SNX29: variants seen among roughly 807,000 people sequenced by gnomAD.
SNX29 encodes the protein sorting nexin 29.
A neutral mutation model predicts 102.1 loss-of-function variants in SNX29; 78 were observed. The observed-to-expected ratio is 0.76, with a 90% CI of 0.64 to 0.92. SNX29 has a LOEUF of 0.92. Among genes scored for constraint, SNX29 ranks in the 40% least tolerant of loss-of-function variants. SNX29 has a pLI of 0.00. For synonymous variants in SNX29, 580 were observed against 414.5 expected (o/e 1.40, Z -4.85); for missense variants, 1,280 against 1,061.7 (o/e 1.21, Z -2.86).
intron 12 of SNX29, among the ~76,000 whole-genome samples, chr16:12,128,956 G>A (rs932419948): frequency 4.6e-5 from 7 of 152,184 alleles, no homozygotes; most frequent in African/African-American, 1.7e-4. Flanking sequence ...TAAGACCAGG[G>A]ATGACAAATA....
chr16:12,224,350 C>T (rs1404843820), intron 14 of SNX29, among the ~76,000 whole-genome samples: 1 of 152,156 alleles, frequency 6.6e-6, no homozygotes, highest in Non-Finnish European at 1.5e-5. Context: ...TTTAGAGGGC[C>T]TGCCATAGGC....
At chr16:12,133,840 T>C (rs1173432964) in intron 13 of SNX29, among the ~76,000 whole-genome samples, 1 of 152,324 alleles carries the variant, frequency 6.6e-6, no homozygotes, top group African/African-American at 2.4e-5. Flanking sequence ...AGTGAGATAT[T>C]CGAATGCTAA....
chr16:11,980,997 A>G (rs1468821035), intron 1 of SNX29, among the ~76,000 whole-genome samples: 3 of 143,426 alleles, frequency 2.1e-5, no homozygotes, highest in Admixed American at 1.4e-4. Flanking sequence ...GTCTTGCTCT[A>G]TCACCCAGGC....
chr16:12,539,510 C>G (rs1025802238), intron 20 of SNX29, among the ~76,000 whole-genome samples: 3 of 152,128 alleles, frequency 2.0e-5, no homozygotes, highest in Non-Finnish European at 4.4e-5. Flanking sequence ...TGCGTTGGTT[C>G]CAGTTGTTGG....
At chr16:12,046,123 A>G (rs1315184320) in intron 5 of SNX29, among the ~76,000 whole-genome samples, 1 of 152,322 alleles carries the variant, frequency 6.6e-6, no homozygotes, top group Non-Finnish European at 1.5e-5. Context: ...TGCTTTATAA[A>G]TACATTGACA....
chr16:12,555,520 C>T (rs577301006), intron 20 of SNX29, among the ~76,000 whole-genome samples: 29 of 151,716 alleles, frequency 1.9e-4, no homozygotes, highest in South Asian at 6.3e-4. Flanking sequence ...GACTGGACAG[C>T]GCCCCTGCTC....
intron 19 of SNX29, among the ~76,000 whole-genome samples, chr16:12,493,428 A>G (rs1165958587): frequency 6.6e-6 from 1 of 152,138 alleles, no homozygotes; most frequent in Non-Finnish European, 1.5e-5. Flanking sequence ...GCTTAAGGAG[A>G]TTTTGGGCTG....
At chr16:12,260,762 T>TGA (rs1324914299) in intron 14 of SNX29, among the ~76,000 whole-genome samples, 924 of 148,982 alleles carry the variant, frequency 6.2e-3, no homozygotes, top group African/African-American at 7.7e-3. Context: ...CTGGAGTGAG[T>TGA]GTTCGCTGAG....
At chr16:12,296,065 T>C (rs372152246) in intron 15 of SNX29, among the ~76,000 whole-genome samples, 4 of 152,398 alleles carry the variant, frequency 2.6e-5, no homozygotes, top group South Asian at 2.1e-4. Context: ...TGCTAACATA[T>C]TATCTTTTTG....
chr16:12,564,125 G>T (rs72775227), intron 20 of SNX29, among the ~76,000 whole-genome samples: 1 of 151,846 alleles, frequency 6.6e-6, no homozygotes, highest in East Asian at 1.9e-4. Context: ...GTGGTGGATC[G>T]TGCCTATAAT....
At position 12,277,946 on chromosome 16, in the gene SNX29, G is replaced by C. The variant is rs773113273; in HGVS notation, c.1692G>C (p.Trp564Cys). ...EGQTAEVPNL[W>C]SVDGEVTVAE... ...CTTTCTCTAAAGTGCCAAATCTTTG[G>C]AGTGTTGATGGAGAAGTTACAGTAG... is the stretch of plus-strand genomic sequence containing the variant. Residue 564 changes from tryptophan (W) to cysteine (C), a missense_variant, in exon 15 of 21, where the codon TGG becomes TGC. Coordinates refer to ENST00000566228, the MANE Select transcript of SNX29 (RefSeq NM_032167.5). 6.2e-7 allele frequency: 1 copy of C among 1,607,804 alleles called. No homozygotes were observed. The highest frequency in any genetic ancestry group is 8.5e-7 in the Non-Finnish European group (1 of 1,177,010).
chr16:12,565,646 C>G (rs1025302610), intron 20 of SNX29, among the ~76,000 whole-genome samples: 2 of 152,224 alleles, frequency 1.3e-5, no homozygotes, highest in Non-Finnish European at 1.5e-5. Context: ...ACACATATAG[C>G]CTCGTGACAG....
intron 20 of SNX29, among the ~76,000 whole-genome samples, chr16:12,544,764 C>T (rs528031747): frequency 1.2e-4 from 18 of 152,282 alleles, no homozygotes; most frequent in African/African-American, 1.7e-4. Flanking sequence ...TGCTCTGGGT[C>T]GCACAGCTGG....
chr16:12,449,602 C>T (rs1177235781), intron 18 of SNX29, among the ~76,000 whole-genome samples: 1 of 152,122 alleles, frequency 6.6e-6, no homozygotes, highest in Non-Finnish European at 1.5e-5. Flanking sequence ...AAATGCAGCA[C>T]CTCCCGTGCT....
rs565194801 is a variant in SNX29, at chr16:12,573,777, C to T, written c.*5148C>T. On this transcript the variant is annotated 3_prime_UTR_variant, in exon 21 of 21. Coordinates refer to ENST00000566228, the MANE Select transcript of SNX29 (RefSeq NM_032167.5). Reference sequence around the variant, plus strand: ...ACTAAACGCTCAGTGACCCCAGAGACCATTAATTTCCCGGAGTGAAGGGGA... The same window carrying T: ...ACTAAACGCTCAGTGACCCCAGAGATCATTAATTTCCCGGAGTGAAGGGGA... The T allele has an allele frequency of 7.2e-5, 16 of 222,634 alleles. No individual in the cohort carries two copies. Among genetic ancestry groups the T allele is most frequent in the Admixed American group, 3.4e-4 (6 of 17,452 alleles). 13.8% of individuals were successfully genotyped at this position (222,634 alleles called of 1,614,324 possible).
chr16:12,160,284 A>G (rs1354120413), intron 13 of SNX29, among the ~76,000 whole-genome samples: 1 of 152,176 alleles, frequency 6.6e-6, no homozygotes, highest in Non-Finnish European at 1.5e-5. Flanking sequence ...GTAGGAGTAG[A>G]TGTTAGGTTT....
At chr16:12,343,265 G>C (rs1019864576) in intron 15 of SNX29, among the ~76,000 whole-genome samples, 17 of 152,216 alleles carry the variant, frequency 1.1e-4, no homozygotes, top group Non-Finnish European at 1.3e-4. Context: ...AGAATGAATG[G>C]AAAAGCAGCA....
intron 15 of SNX29, among the ~76,000 whole-genome samples, chr16:12,328,981 T>C (rs559728514): frequency 2.0e-5 from 3 of 151,948 alleles, no homozygotes; most frequent in Admixed American, 2.0e-4. Flanking sequence ...AGTGACAAAA[T>C]AACCCCCTGG....
intron 10 of SNX29, among the ~76,000 whole-genome samples, chr16:12,071,540 G>T (rs1271322130): frequency 2.6e-5 from 4 of 152,102 alleles, no homozygotes; most frequent in African/African-American, 9.7e-5. Flanking sequence ...TTTCTGTTTT[G>T]GTACCAGTAC....
Sources: allele counts gnomAD v4.1 joint callset (sites outside exome capture counted in the v4.1 genomes callset), GRCh38; gene constraint gnomAD v4.1.1; transcripts MANE v1.5; gene names NCBI Gene and HGNC (gene_info 2026-07-23, HGNC 2026-07-21).